The following CUX2 variants were observed in gnomAD, a reference collection of about 807,000 sequenced individuals.
CUX2 encodes homeobox protein cut-like 2.
In CUX2, 40 loss-of-function variants were observed where a neutral mutation model predicts 144.8. That is an observed-to-expected ratio of 0.28 (90% CI 0.21 to 0.36). The LOEUF (loss-of-function observed/expected upper bound fraction) is 0.36. CUX2 is among the 10% of genes least tolerant of loss of function. The probability of loss-of-function intolerance (pLI) is 1.00; values close to 1 mark genes in which losing one functional copy is unlikely to be tolerated. For synonymous variants in CUX2, 827 were observed against 875.6 expected (o/e 0.94, Z 0.98); for missense variants, 1,615 against 1,994.0 (o/e 0.81, Z 3.62).
chr12:111,086,219 A>G (rs936489741), intron 1 of CUX2, among the ~76,000 whole-genome samples: 9 of 152,218 alleles, frequency 5.9e-5, no homozygotes, highest in Admixed American at 2.6e-4. Flanking sequence ...AAATATTTCT[A>G]TTATATCATG....
At chr12:111,229,758 C>T (rs1020593469) in intron 3 of CUX2, among the ~76,000 whole-genome samples, 2 of 152,032 alleles carry the variant, frequency 1.3e-5, no homozygotes, top group South Asian at 2.1e-4. Context: ...CAGTGGCTCA[C>T]GCTTATAATC....
chr12:111,096,171 C>T (rs1872804229), intron 1 of CUX2, among the ~76,000 whole-genome samples: 1 of 152,116 alleles, frequency 6.6e-6, no homozygotes, highest in South Asian at 2.1e-4. Context: ...GCCTGGTGCT[C>T]AGAGCAGTTA....
At chr12:111,139,323 A>T (rs1876141524) in intron 1 of CUX2, among the ~76,000 whole-genome samples, 1 of 152,132 alleles carries the variant, frequency 6.6e-6, no homozygotes, top group African/African-American at 2.4e-5. Context: ...AGGAGAATGG[A>T]TGGGGTTTGG....
At chr12:111,202,846 A>C (rs1880678118) in intron 1 of CUX2, among the ~76,000 whole-genome samples, 1 of 152,102 alleles carries the variant, frequency 6.6e-6, no homozygotes, top group Non-Finnish European at 1.5e-5. Flanking sequence ...TTCTGGGAGA[A>C]GGTGGTATAA....
At chr12:111,300,681 T>C (rs1886246888) in intron 9 of CUX2, among the ~76,000 whole-genome samples, 2 of 152,190 alleles carry the variant, frequency 1.3e-5, no homozygotes, top group Non-Finnish European at 2.9e-5. Context: ...TTTGCCATTA[T>C]AGCATGAAAG....
At chr12:111,158,198 C>A (rs1040433728) in intron 1 of CUX2, among the ~76,000 whole-genome samples, 2 of 152,146 alleles carry the variant, frequency 1.3e-5, no homozygotes, top group South Asian at 2.1e-4. Flanking sequence ...CTCTTCCTCA[C>A]CTCACAAACA....
chr12:111,240,702 C>T (rs946416576), intron 3 of CUX2, among the ~76,000 whole-genome samples: 67 of 152,266 alleles, frequency 4.4e-4, no homozygotes, highest in African/African-American at 1.6e-3. Flanking sequence ...AGTATGAATG[C>T]CTTGGATGGA....
intron 1 of CUX2, among the ~76,000 whole-genome samples, chr12:111,174,653 G>A (rs573393621): frequency 6.6e-6 from 1 of 152,316 alleles, no homozygotes; most frequent in South Asian, 2.1e-4. Context: ...GAAAGGGCAC[G>A]GGATACTCCC....
rs188053522 is a variant in CUX2 at position 111,144,733 on chromosome 12, G to A, written c.64-69467G>A. 2.3e-3 allele frequency among the ~76,000 whole-genome samples: 348 copies of A among 152,334 alleles called. 2 individuals are homozygous for A. Among genetic ancestry groups the A allele is most frequent in the South Asian group, 4.8e-3 (23 of 4,830 alleles). ...CTTTAGCTTACCACTGCTGTCCGTG[G>A]GTTGAGCTATGCTTAAATCCCCTTT... On this transcript the variant is annotated intron_variant, in intron 1 of 21. Transcript: ENST00000261726.
chr12:111,157,139 T>C (rs1877445934), intron 1 of CUX2, among the ~76,000 whole-genome samples: 1 of 150,882 alleles, frequency 6.6e-6, no homozygotes, highest in South Asian at 2.1e-4. Flanking sequence ...ATGGGTAGAA[T>C]CGCCCAGTAT....
At chr12:111,188,650 G>A (rs73415942) in intron 1 of CUX2, among the ~76,000 whole-genome samples, 3,889 of 152,202 alleles carry the variant, frequency 0.026, 176 homozygotes, top group African/African-American at 0.088. Context: ...GGGGGGGAAA[G>A]GAGGGCAGAG....
At chr12:111,245,386 A>AT (rs1053789137) in intron 3 of CUX2, among the ~76,000 whole-genome samples, 2 of 150,104 alleles carry the variant, frequency 1.3e-5, no homozygotes, top group Admixed American at 6.6e-5. Context: ...AAAAAAAAAA[A>AT]TTTTTTTTTA....
chr12:111,133,217 G>A (rs1402157598), intron 1 of CUX2, among the ~76,000 whole-genome samples: 1 of 152,112 alleles, frequency 6.6e-6, no homozygotes. Flanking sequence ...TCCAACCTCT[G>A]CCTGTTACCC....
intron 1 of CUX2, among the ~76,000 whole-genome samples, chr12:111,107,817 G>A (rs1486937523): frequency 6.6e-6 from 1 of 151,794 alleles, no homozygotes; most frequent in Non-Finnish European, 1.5e-5. Flanking sequence ...ATTTCAAAAA[G>A]ACTGACAAAA....
At chr12:111,114,687 G>C (rs1874181241) in intron 1 of CUX2, among the ~76,000 whole-genome samples, 1 of 152,164 alleles carries the variant, frequency 6.6e-6, no homozygotes, top group African/African-American at 2.4e-5. Flanking sequence ...GTCCTAAGCT[G>C]TGCCCTCTGT....
intron 1 of CUX2, among the ~76,000 whole-genome samples, chr12:111,119,915 A>G (rs986018119): frequency 2.0e-5 from 3 of 152,062 alleles, no homozygotes; most frequent in African/African-American, 7.2e-5. Flanking sequence ...AAAATTAGCC[A>G]GGCATGGTGG....
intron 18 of CUX2, among the ~76,000 whole-genome samples, chr12:111,325,531 C>A (rs1887735523): frequency 6.6e-6 from 1 of 152,140 alleles, no homozygotes; most frequent in South Asian, 2.1e-4. Flanking sequence ...GGGCTGTGGG[C>A]CATCAGGCTT....
rs527950308 is a variant in CUX2, at chr12:111,238,270, G to T, written c.222+20333G>T. Among the ~76,000 whole-genome samples the T allele has an allele frequency of 2.0e-5, 3 of 152,338 alleles. No individual in the cohort carries two copies. The East Asian group carries it at 5.8e-4, about 29-fold the overall frequency. On this transcript the variant is annotated intron_variant, in intron 3 of 21. Coordinates refer to ENST00000261726, the MANE Select transcript of CUX2 (RefSeq NM_015267.4). ...CCTCCCACTTAACCAAAGGAAGGAG[G>T]CAGCATTTTGTAGACTGTGATGTTC...
chr12:111,280,467 G>T (rs142419550), intron 4 of CUX2, among the ~76,000 whole-genome samples: 1 of 152,240 alleles, frequency 6.6e-6, no homozygotes, highest in African/African-American at 2.4e-5. Context: ...ACTGACACCT[G>T]GATTTTGGAC....
Sources: allele counts gnomAD v4.1 joint callset (sites outside exome capture counted in the v4.1 genomes callset), GRCh38; gene constraint gnomAD v4.1.1; transcripts MANE v1.5; gene names NCBI Gene and HGNC (gene_info 2026-07-23, HGNC 2026-07-21).